The following RLN2 variants were observed in gnomAD, a reference collection of about 807,000 sequenced individuals.
RLN2 encodes prorelaxin H2.
Under a neutral mutation model 7.3 loss-of-function variants are expected in RLN2, and 10 were observed. The observed-to-expected ratio is 1.36, with a 90% CI of 0.84 to 2.31. The LOEUF (loss-of-function observed/expected upper bound fraction) is 2.31. Ranked by LOEUF, RLN2 falls within the 30% of genes most tolerant of loss-of-function variation. RLN2 has a pLI of 0.00. For missense variants in RLN2, 298 were observed against 217.6 expected, an observed-to-expected ratio of 1.37 and a Z score of -2.32; for synonymous variants, 103 against 82.3, an observed-to-expected ratio of 1.25 and a Z score of -1.36.
chr9:5,326,453 C>T, the RLN2 span, among the ~76,000 whole-genome samples: 1 of 152,092 alleles, frequency 6.6e-6, no homozygotes, highest in African/African-American at 2.4e-5. Context: ...ACTGTCTCCC[C>T]ACCCTAAAGA....
the RLN2 span, among the ~76,000 whole-genome samples, chr9:5,325,405 T>C: frequency 7.9e-5 from 12 of 152,120 alleles, no homozygotes; most frequent in East Asian, 1.9e-3. Flanking sequence ...ATTAAAACTT[T>C]GTCTAACACT....
chr9:5,316,379 G>C, the RLN2 span, among the ~76,000 whole-genome samples: 178 of 150,788 alleles, frequency 1.2e-3, 1 homozygote, highest in Middle Eastern at 3.4e-3. Context: ...TGCCATGGTG[G>C]TTTGCTGCAC....
chr9:5,330,766 CA>C, the RLN2 span, among the ~76,000 whole-genome samples: 3,265 of 76,274 alleles, frequency 0.043, 114 homozygotes, highest in African/African-American at 0.12. Flanking sequence ...GATAGAGAGA[CA>C]AAAAAAAAAA....
At chr9:5,337,291 G>C in the RLN2 span, among the ~76,000 whole-genome samples, 3 of 152,078 alleles carry the variant, frequency 2.0e-5, no homozygotes, top group Non-Finnish European at 2.9e-5. Flanking sequence ...AGCCAAAACA[G>C]TTATAGATTG....
upstream of RLN2, among the ~76,000 whole-genome samples, chr9:5,305,929 G>C (rs1485375226): frequency 6.6e-6 from 1 of 151,830 alleles, no homozygotes; most frequent in East Asian, 1.9e-4. Flanking sequence ...TGCAATCAAT[G>C]CTTTTAAATG....
upstream of RLN2, among the ~76,000 whole-genome samples, chr9:5,306,106 TTTG>T (rs1213966806): frequency 3.6e-4 from 51 of 140,566 alleles, 1 homozygote; most frequent in African/African-American, 1.4e-3. Context: ...GTTTTTGTTT[TTTG>T]TTTTTTTTTT....
chr9:5,333,174 A>C, the RLN2 span, among the ~76,000 whole-genome samples: 2 of 152,070 alleles, frequency 1.3e-5, no homozygotes, highest in Non-Finnish European at 1.5e-5. Flanking sequence ...CAGATAAATC[A>C]ACCCATGAGA....
chr9:5,327,425 G>T, the RLN2 span, among the ~76,000 whole-genome samples: 1 of 151,978 alleles, frequency 6.6e-6, no homozygotes, highest in Non-Finnish European at 1.5e-5. Context: ...GGAGTCCACC[G>T]CAGCTCAACA....
At chr9:5,335,544 C>A in the RLN2 span, 2 of 1,612,282 alleles carry the variant, frequency 1.2e-6, no homozygotes, top group Non-Finnish European at 1.7e-6. Flanking sequence ...GCAATGAATT[C>A]CAACATGATA....
chr9:5,334,953 GTTA>G, the RLN2 span: 1 of 254,736 alleles, frequency 3.9e-6, no homozygotes, highest in Non-Finnish European at 7.4e-6. Context: ...GTACTGTATT[GTTA>G]TTATGTATGG....
At chr9:5,304,858 C>G (rs965435399), upstream of RLN2, 3 of 477,494 alleles carry the variant, frequency 6.3e-6, no homozygotes, top group South Asian at 7.5e-5. Context: ...TGTCCTTGGC[C>G]CTTTTACAGT....
the RLN2 span, among the ~76,000 whole-genome samples, chr9:5,320,529 C>G: frequency 3.3e-5 from 5 of 150,676 alleles, no homozygotes; most frequent in African/African-American, 1.2e-4. Flanking sequence ...TACCACCACA[C>G]GCGGCTACGT....
In RLN2 at chr9:5,300,254, G is replaced by C. The variant is rs748407297; in HGVS notation, c.402C>G (p.Arg134=). The C allele has an allele frequency of 1.9e-6, 3 of 1,613,872 alleles. No individual in the cohort carries two copies. The East Asian group carries it at 6.7e-5, about 36-fold the overall frequency. The change falls in exon 2 of 2, where the codon CGC becomes CGG. Residue 134 remains arginine (R), a synonymous_variant. Transcript: ENST00000381627. ...TGTCTGCGGCTTCACTTTGTCTATT[G>C]CGAATAAGTTTCTTAAATTCTTCAA... ...LLFEEFKKLI[R]NRQSEAADSS...
chr9:5,331,678 G>C, the RLN2 span, among the ~76,000 whole-genome samples: 1 of 147,062 alleles, frequency 6.8e-6, no homozygotes. Flanking sequence ...GGGGTGGGGG[G>C]CTGTGGGAGG....
At chr9:5,336,795 G>A in the RLN2 span, among the ~76,000 whole-genome samples, 5 of 151,932 alleles carry the variant, frequency 3.3e-5, 1 homozygote, top group African/African-American at 1.2e-4. Context: ...AAAGAGAAGA[G>A]AGGAGTAAAT....
upstream of RLN2, among the ~76,000 whole-genome samples, chr9:5,305,394 CACACACACAGAG>C (rs1041283014): frequency 4.2e-5 from 6 of 142,136 alleles, no homozygotes; most frequent in South Asian, 2.2e-4. Context: ...CACACACACA[CACACACACAGAG>C]AGAGAGAGAG....
chr9:5,324,367 G>C, the RLN2 span, among the ~76,000 whole-genome samples: 1 of 151,936 alleles, frequency 6.6e-6, no homozygotes, highest in Non-Finnish European at 1.5e-5. Context: ...GCTTCAAATT[G>C]TGGGGTGCAT....
chr9:5,307,271 G>GGATAGATAGATAGATA (rs148888922), upstream of RLN2, among the ~76,000 whole-genome samples: 1 of 143,488 alleles, frequency 7.0e-6, no homozygotes, highest in African/African-American at 2.5e-5. Flanking sequence ...GATAGATAGA[G>GGATAGATAGATAGATA]GATAGATAGA....
upstream of RLN2, among the ~76,000 whole-genome samples, chr9:5,305,569 T>G (rs1347113362): frequency 6.6e-6 from 1 of 151,750 alleles, no homozygotes; most frequent in Non-Finnish European, 1.5e-5. Flanking sequence ...TCATTTAATT[T>G]AACTTTCTAA....
Sources: gnomAD v4.1 joint callset for allele counts (sites outside exome capture counted in the v4.1 genomes callset) on GRCh38, gnomAD v4.1.1 for gene constraint, MANE v1.5 for transcripts, NCBI Gene and HGNC (gene_info 2026-07-23, HGNC 2026-07-21) for gene names.